The following MRTFB variants were observed in gnomAD, a reference collection of about 807,000 sequenced individuals.
The protein encoded by MRTFB is myocardin-related transcription factor B.
MRTFB carries 29 observed loss-of-function variants against 104.2 expected under a neutral mutation model. The ratio of observed to expected loss-of-function variants is 0.28; its 90% CI spans 0.21 to 0.38. The LOEUF (loss-of-function observed/expected upper bound fraction) is 0.38. Ranked by LOEUF, MRTFB falls within the 10% of genes least tolerant of loss-of-function variation. The pLI is 1.00. For missense variants in MRTFB, 1,270 were observed against 1,341.6 expected (o/e 0.95, Z 0.83); for synonymous variants, 535 against 519.5 (o/e 1.03, Z -0.41).
Position 14,217,293 on chromosome 16 carries a change from ACT to A in MRTFB, c.514+9_514+10del, listed in dbSNP as rs770286533. The A allele has an allele frequency of 8.9e-6, 14 of 1,578,194 alleles. 1 individual carries two copies. Among genetic ancestry groups the A allele is most frequent in the Non-Finnish European group, 1.2e-5 (14 of 1,167,616 alleles). On this transcript the variant is annotated splice_region_variant and intron_variant, in intron 7 of 16. Coordinates refer to ENST00000571589, the MANE Select transcript of MRTFB (RefSeq NM_001308142.2). The stretch of plus-strand genomic sequence containing the variant: ...TGTTAAAGAAGCAATTATAGGCAAG[ACT>A]CTAAAAATTTACTATTTGGGGTGAG...
intron 2 of MRTFB, among the ~76,000 whole-genome samples, chr16:14,135,363 G>T (rs577197928): frequency 6.6e-6 from 1 of 152,256 alleles, no homozygotes; most frequent in East Asian, 1.9e-4. Context: ...TATTTTTCCT[G>T]TACCTTTTCT....
intron 3 of MRTFB, chr16:14,200,375 A>G (rs1347107202): frequency 3.1e-6 from 5 of 1,607,646 alleles, no homozygotes; most frequent in Non-Finnish European, 4.3e-6. Flanking sequence ...GCAGGATAGT[A>G]ATGATGACAC....
chr16:14,252,138 ATACAGTGATAACTTGTGAAGG>A, intron 14 of MRTFB, 115 bp downstream of exon 14: 1 of 1,301,762 alleles, frequency 7.7e-7, no homozygotes, highest in Non-Finnish European at 1.1e-6. Context: ...ATTGTTGAAA[ATACAGTGATAACTTGTGAAGG>A]AGGAGCTCAG....
At chr16:14,214,379 A>T (rs1202643222) in intron 6 of MRTFB, among the ~76,000 whole-genome samples, 2 of 152,196 alleles carry the variant, frequency 1.3e-5, no homozygotes, top group Non-Finnish European at 2.9e-5. Flanking sequence ...AACTTCTCAG[A>T]CATTGAGAGA....
chr16:14,229,475 C>T (rs952201207), intron 8 of MRTFB, among the ~76,000 whole-genome samples: 1 of 152,082 alleles, frequency 6.6e-6, no homozygotes, highest in Non-Finnish European at 1.5e-5. Flanking sequence ...ATCTATAATA[C>T]AAAAAAGCTT....
chr16:14,009,651 C>T, the MRTFB span: 3 of 152,154 alleles, frequency 2.0e-5, no homozygotes, highest in Non-Finnish European at 4.4e-5. Flanking sequence ...CTGGGTTTTT[C>T]ATAGATGCCC....
chr16:14,057,175 G>A, the MRTFB span, among the ~76,000 whole-genome samples: 1 of 152,110 alleles, frequency 6.6e-6, no homozygotes, highest in African/African-American at 2.4e-5. Context: ...CCTGGGCTCT[G>A]GAATGTAAGC....
At chr16:14,115,259 T>G (rs1276613300) in intron 2 of MRTFB, among the ~76,000 whole-genome samples, 1 of 152,208 alleles carries the variant, frequency 6.6e-6, no homozygotes, top group Non-Finnish European at 1.5e-5. Context: ...GGAGGAATTA[T>G]CAACTAAATA....
the MRTFB span, chr16:14,009,459 C>G: frequency 9.2e-5 from 14 of 152,210 alleles, no homozygotes; most frequent in African/African-American, 3.4e-4. Context: ...AACTGTCAAA[C>G]AGAGACAGTT....
chr16:14,047,560 G>A, the MRTFB span, among the ~76,000 whole-genome samples: 1 of 152,278 alleles, frequency 6.6e-6, no homozygotes, highest in East Asian at 1.9e-4. Flanking sequence ...AGGTTTAATG[G>A]ACTCACAGTT....
Position 14,217,172 on chromosome 16 carries a change from A to G in MRTFB, c.399A>G (p.Lys133=), listed in dbSNP as rs778826316. The G allele has an allele frequency of 4.3e-6, 7 of 1,613,932 alleles. No individual in the cohort carries two copies. The change falls in exon 7 of 17, where the codon AAA becomes AAG. Residue 133 remains lysine (K), a synonymous_variant. Coordinates refer to ENST00000571589, the MANE Select transcript of MRTFB (RefSeq NM_001308142.2). ...TGCAGGCTACTCAGATGAAGTTGAAAAGAGCTCGACTAGCAGATGATCTGA... is the reference window on the plus strand; with the variant it reads ...TGCAGGCTACTCAGATGAAGTTGAAGAGAGCTCGACTAGCAGATGATCTGA... ...PSLQATQMKL[K]RARLADDLNE... is the part of the protein sequence containing the mutation.
Position 14,262,264 on chromosome 16 carries a change from G to A in MRTFB, c.*820G>A, listed in dbSNP as rs1351247585. 1 of 152,178 alleles carries A rather than the reference G, an allele frequency of 6.6e-6. No individual in the cohort carries two copies. The highest frequency in any genetic ancestry group is 2.4e-5 in the African/African-American group (1 of 41,438). 9.4% of individuals were successfully genotyped at this position (152,178 alleles called of 1,614,324 possible). A position where few individuals can be genotyped will look rare whatever the true frequency, so the allele number is the denominator to read the frequency against. On this transcript the variant is annotated 3_prime_UTR_variant, in exon 17 of 17. Transcript: ENST00000571589. Reference sequence around the variant, plus strand: ...TGACATTGTGATTTGTACAGCCTACGCTGGGGTAAGGAAATGGGTATCCAA... The same window carrying A: ...TGACATTGTGATTTGTACAGCCTACACTGGGGTAAGGAAATGGGTATCCAA...
At chr16:14,216,476 C>A (rs1231969691) in intron 6 of MRTFB, among the ~76,000 whole-genome samples, 1 of 152,174 alleles carries the variant, frequency 6.6e-6, no homozygotes, top group Non-Finnish European at 1.5e-5. Context: ...TATAGTTTTA[C>A]ATTGGTTGTA....
At chr16:14,060,512 T>C in the MRTFB span, among the ~76,000 whole-genome samples, 2 of 152,128 alleles carry the variant, frequency 1.3e-5, no homozygotes, top group Non-Finnish European at 2.9e-5. Context: ...TTTTTCTCTC[T>C]CGGCACCAGT....
At chr16:14,256,208 A>AC (rs941710684) in intron 15 of MRTFB, among the ~76,000 whole-genome samples, 25 of 150,808 alleles carry the variant, frequency 1.7e-4, no homozygotes, top group Non-Finnish European at 3.1e-4. Context: ...AAAAAAAAAA[A>AC]CCCCAGATGG....
chr16:14,189,410 C>T (rs762693335), intron 3 of MRTFB, among the ~76,000 whole-genome samples: 34 of 152,094 alleles, frequency 2.2e-4, no homozygotes, highest in Non-Finnish European at 4.6e-4. Flanking sequence ...TACATGAATC[C>T]ATGGAAGTTA....
chr16:14,188,123 G>A (rs780477108), intron 3 of MRTFB, among the ~76,000 whole-genome samples: 1 of 152,184 alleles, frequency 6.6e-6, no homozygotes, highest in Non-Finnish European at 1.5e-5. Context: ...CGAAATAAAT[G>A]ACACACAATG....
Position 14,177,655 on chromosome 16 carries a change from T to C in MRTFB, c.155-32588T>C, listed in dbSNP as rs1459276515. On this transcript the variant is annotated intron_variant, in intron 3 of 16. Transcript: ENST00000571589. This position sits in a 1 kb window ranked among gnomAD's most constrained non-coding sequence, Gnocchi z 4.7. ...GCCTGAGCAACATAGCAAGACCTCA[T>C]CTCTACTAAAAAACAAAATTAACTG... 6.6e-6 allele frequency among the ~76,000 whole-genome samples: 1 copy of C among 151,692 alleles called. No individual in the cohort carries two copies. Among genetic ancestry groups the C allele is most frequent in the East Asian group, 1.9e-4 (1 of 5,180 alleles).
chr16:14,034,959 G>A, the MRTFB span, among the ~76,000 whole-genome samples: 2 of 152,110 alleles, frequency 1.3e-5, no homozygotes, highest in Admixed American at 1.3e-4. Flanking sequence ...CGCTTTCTCT[G>A]CTGAGCCAAC....
Sources: allele counts gnomAD v4.1 joint callset (sites outside exome capture counted in the v4.1 genomes callset), GRCh38; gene constraint gnomAD v4.1.1; non-coding constraint Gnocchi (gnomAD v3.1); transcripts MANE v1.5; gene names NCBI Gene and HGNC (gene_info 2026-07-23, HGNC 2026-07-21).